The following SVOPL variants were observed in gnomAD, a reference collection of about 807,000 sequenced individuals.
SVOPL encodes SVOP like, also known as putative transporter SVOPL.
SVOPL carries 60 observed loss-of-function variants against 61.0 expected under a neutral mutation model. That is an observed-to-expected ratio of 0.98 (90% confidence interval 0.80 to 1.22). The LOEUF (loss-of-function observed/expected upper bound fraction) is 1.22, where lower values mean the gene tolerates loss of function less well. SVOPL is among the 50% of genes most tolerant of loss of function. The pLI, the probability that SVOPL is intolerant of heterozygous loss-of-function variation, is 0.00. For missense variants in SVOPL, 662 were observed against 643.9 expected (o/e 1.03, Z -0.30); for synonymous variants, 279 against 250.0 (o/e 1.12, Z -1.09).
chr7:138,619,898 A>C (rs1325481062), intron 14 of SVOPL, among the ~76,000 whole-genome samples: 2 of 152,114 alleles, frequency 1.3e-5, no homozygotes, highest in Non-Finnish European at 2.9e-5. Flanking sequence ...GAGCTGCCAC[A>C]TGCACAGGCA....
rs981148000 is a variant in SVOPL at position 138,618,493 on chromosome 7, C to G, written c.1353+2553G>C. Among the ~76,000 whole-genome samples, 5 of 152,194 alleles carry G rather than the reference C, an allele frequency of 3.3e-5. No homozygotes were observed. The South Asian group carries it at 8.3e-4, about 25-fold the overall frequency. On this transcript the variant is annotated intron_variant, in intron 14 of 15. Transcript: ENST00000674285. ...TGGCCAACATCGCGAAACCCCGTCTCTACTAAAAATACAAAAAATCAGCCA... is the reference window on the plus strand; with the variant it reads ...TGGCCAACATCGCGAAACCCCGTCTGTACTAAAAATACAAAAAATCAGCCA...
chr7:138,643,201 C>T (rs1031801695), intron 9 of SVOPL, among the ~76,000 whole-genome samples: 2 of 151,586 alleles, frequency 1.3e-5, no homozygotes, highest in Non-Finnish European at 2.9e-5. Flanking sequence ...CCGAGGAGGG[C>T]GGATCACGAG....
intron 1 of SVOPL, among the ~76,000 whole-genome samples, chr7:138,694,697 T>C (rs982510948): frequency 6.6e-6 from 1 of 152,196 alleles, no homozygotes; most frequent in Non-Finnish European, 1.5e-5. Flanking sequence ...AACTGTGTTT[T>C]CCAATATTTA....
At chr7:138,665,319 G>A (rs1451055703) in intron 4 of SVOPL, among the ~76,000 whole-genome samples, 2 of 151,188 alleles carry the variant, frequency 1.3e-5, no homozygotes, top group Non-Finnish European at 1.5e-5. Context: ...GGGCCTGGGA[G>A]ACAGTGACAA....
chr7:138,680,768 C>T (rs1171056395), intron 1 of SVOPL, among the ~76,000 whole-genome samples: 3 of 152,042 alleles, frequency 2.0e-5, no homozygotes, highest in Non-Finnish European at 4.4e-5. Flanking sequence ...TTAGTAGACA[C>T]GGAGTTTCAC....
chr7:138,647,980 G>T (rs1407681217), intron 8 of SVOPL, among the ~76,000 whole-genome samples: 1 of 152,082 alleles, frequency 6.6e-6, no homozygotes, highest in African/African-American at 2.4e-5. Context: ...TCTGAATTCT[G>T]ACATTCTTTG....
chr7:138,620,335 G>C (rs971796040), intron 14 of SVOPL, among the ~76,000 whole-genome samples: 9 of 148,796 alleles, frequency 6.0e-5, no homozygotes, highest in African/African-American at 2.3e-4. Flanking sequence ...TGCCCAGCCT[G>C]GTCTCAAACT....
At chr7:138,647,066 T>C (rs1258979592) in intron 8 of SVOPL, among the ~76,000 whole-genome samples, 1 of 152,132 alleles carries the variant, frequency 6.6e-6, no homozygotes, top group African/African-American at 2.4e-5. Context: ...TTAGGGGCCA[T>C]AGATTCATAC....
chr7:138,596,385 GA>G lies in SVOPL; in HGVS notation c.1467+31del, dbSNP rs768908973. On this transcript the variant is annotated intron_variant, in intron 15 of 15. Transcript: ENST00000674285. ...TTTGCTCTGGGCAAAAGTGGTAGTTGAAAAGACTTCAGAGTTCCCTGCATCA... is the reference window on the plus strand; with the variant it reads ...TTTGCTCTGGGCAAAAGTGGTAGTTGAAAGACTTCAGAGTTCCCTGCATCA... The G allele has an allele frequency of 1.9e-6, 3 of 1,603,926 alleles. No individual in the cohort carries two copies. In the Admixed American group the frequency reaches 5.1e-5, roughly 27 times the overall value.
chr7:138,672,020 G>T lies in SVOPL; in HGVS notation c.272C>A (p.Thr91Lys). ...ACGGCACAGGGAGCAGGTACTTACCGTGGTTACTAATGCCACCTGCCAATT... is the reference window on the plus strand; with the variant it reads ...ACGGCACAGGGAGCAGGTACTTACCTTGGTTACTAATGCCACCTGCCAATT... ...LENWQVALVT[T>K]MVFFGYMVFS... The change falls in exon 4 of 16, where the codon ACG (threonine) becomes AAG (lysine). Residue 91 changes from threonine to lysine, a missense_variant and splice_region_variant. Thr to Lys is a moderately conservative substitution (Grantham distance 78). Transcript: ENST00000674285. 1.3e-6 allele frequency: 2 copies of T among 1,551,628 alleles called. No homozygotes were observed. Among genetic ancestry groups the T allele is most frequent in the Non-Finnish European group, 1.7e-6 (2 of 1,146,948 alleles).
intron 14 of SVOPL, among the ~76,000 whole-genome samples, chr7:138,605,553 T>C (rs1433166976): frequency 2.7e-5 from 4 of 150,200 alleles, no homozygotes; most frequent in African/African-American, 4.9e-5. Context: ...TCCCAGCTAC[T>C]TGGGAGGCTG....
intron 14 of SVOPL, among the ~76,000 whole-genome samples, chr7:138,600,656 T>C (rs923963858): frequency 6.6e-6 from 1 of 151,998 alleles, no homozygotes; most frequent in Admixed American, 6.6e-5. Context: ...AACGGATGCT[T>C]GTTTAACAAT....
rs935213510 is a variant in SVOPL, at chr7:138,649,108, G to A, written c.564C>T (p.Ile188=). 3.1e-6 allele frequency: 5 copies of A among 1,613,546 alleles called. No homozygotes were observed. Among genetic ancestry groups the A allele is most frequent in the Admixed American group, 1.7e-5 (1 of 59,916 alleles). The change falls in exon 8 of 16, where the codon ATC becomes ATT. Residue 188 remains isoleucine, a synonymous_variant. Coordinates refer to ENST00000674285, the MANE Select transcript of SVOPL (RefSeq NM_001139456.2). Reference sequence around the variant, plus strand: ...GGATGATCACAGAGGCCAAGCCAATGATGAGCAGGGAGCCCGCAAGCCAGA... The same window carrying A: ...GGATGATCACAGAGGCCAAGCCAATAATGAGCAGGGAGCCCGCAAGCCAGA... ...QVFWLAGSLL[I]IGLASVIIPT...
intron 15 of SVOPL, among the ~76,000 whole-genome samples, chr7:138,594,877 T>TATAC (rs1023374902): frequency 1.3e-5 from 2 of 151,778 alleles, no homozygotes; most frequent in East Asian, 1.9e-4. Flanking sequence ...TGTATACATA[T>TATAC]ATACATACAT....
At chr7:138,678,570 G>A in intron 2 of SVOPL, 45 bp from the exon 3 acceptor site, 5 of 1,532,434 alleles carry the variant, frequency 3.3e-6, no homozygotes, top group Non-Finnish European at 2.7e-6. Context: ...CTGCAGGGAA[G>A]GGAATGCGTG....
intron 13 of SVOPL, among the ~76,000 whole-genome samples, chr7:138,623,457 G>A (rs984345375): frequency 3.9e-5 from 6 of 151,940 alleles, no homozygotes; most frequent in South Asian, 2.1e-4. Context: ...AAAATTAGCC[G>A]GGCGTGGTGG....
chr7:138,671,848 T>C (rs1424202202), intron 4 of SVOPL, among the ~76,000 whole-genome samples, 171 bp downstream of exon 4: 1 of 152,194 alleles, frequency 6.6e-6, no homozygotes, highest in Admixed American at 6.5e-5. Flanking sequence ...ACATTAGGCA[T>C]GCTAGGAAAA....
intron 7 of SVOPL, among the ~76,000 whole-genome samples, chr7:138,653,944 A>AAAAAG (rs1178892285): frequency 5.9e-5 from 3 of 50,744 alleles, no homozygotes; most frequent in African/African-American, 8.8e-5. Flanking sequence ...AAAAAAAAAA[A>AAAAAG]AAAAGAAAAG....
chr7:138,623,742 T>C (rs765313179), intron 13 of SVOPL, among the ~76,000 whole-genome samples: 2 of 152,216 alleles, frequency 1.3e-5, no homozygotes, highest in Non-Finnish European at 2.9e-5. Context: ...TTTATAAATT[T>C]ACAAAATAAC....
Sources: allele counts gnomAD v4.1 joint callset (sites outside exome capture counted in the v4.1 genomes callset), GRCh38; gene constraint gnomAD v4.1.1; transcripts MANE v1.5; gene names NCBI Gene and HGNC (gene_info 2026-07-23, HGNC 2026-07-21).